SLC24A2: variants seen among roughly 807,000 people sequenced by gnomAD.
SLC24A2 encodes the protein sodium/potassium/calcium exchanger 2.
SLC24A2 carries 36 observed loss-of-function variants against 62.0 expected under a neutral mutation model. The ratio of observed to expected loss-of-function variants is 0.58; its 90% CI spans 0.44 to 0.77. The LOEUF (loss-of-function observed/expected upper bound fraction) is 0.77. Among genes scored for constraint, SLC24A2 ranks in the 30% least tolerant of loss-of-function variants. SLC24A2 has a pLI of 0.00. For synonymous variants in SLC24A2, 358 were observed against 294.0 expected (o/e 1.22, Z -2.23); for missense variants, 846 against 817.9 (o/e 1.03, Z -0.42).
chr9:19,850,940 T>TACACACAC, the SLC24A2 span, among the ~76,000 whole-genome samples: 1 of 28,994 alleles, frequency 3.4e-5, no homozygotes, highest in African/African-American at 1.3e-4. Flanking sequence ...GGCATATATA[T>TACACACAC]ATATACATAT....
chr9:19,565,694 AGG>A, intron 7 of SLC24A2, among the ~76,000 whole-genome samples: 1 of 152,196 alleles, frequency 6.6e-6, no homozygotes, highest in African/African-American at 2.4e-5. Context: ...TGGAGGCATC[AGG>A]CTACCTGACT....
chr9:19,749,363 G>C (rs914339377), intron 2 of SLC24A2, among the ~76,000 whole-genome samples: 1 of 151,858 alleles, frequency 6.6e-6, no homozygotes, highest in Non-Finnish European at 1.5e-5. Context: ...TTTTAAAAAG[G>C]TATTTGTGTG....
intron 2 of SLC24A2, among the ~76,000 whole-genome samples, chr9:19,689,257 G>T (rs930371401): frequency 6.6e-6 from 1 of 152,000 alleles, no homozygotes. Context: ...GGTTACACCA[G>T]GACTCCCGAA....
the SLC24A2 span, among the ~76,000 whole-genome samples, chr9:19,837,864 A>T: frequency 6.6e-6 from 1 of 152,040 alleles, no homozygotes; most frequent in Non-Finnish European, 1.5e-5. Flanking sequence ...CTTACAAGGG[A>T]CGTGAAGGAC....
chr9:19,721,731 A>T (rs1174490363), intron 2 of SLC24A2, among the ~76,000 whole-genome samples: 1 of 152,118 alleles, frequency 6.6e-6, no homozygotes, highest in Non-Finnish European at 1.5e-5. Context: ...TGGTCCTCCT[A>T]AATTAATCAT....
At chr9:19,911,689 T>A in the SLC24A2 span, among the ~76,000 whole-genome samples, 5 of 152,168 alleles carry the variant, frequency 3.3e-5, no homozygotes, top group Non-Finnish European at 7.4e-5. Flanking sequence ...AATATCCAGC[T>A]TCTCTTCCTA....
At chr9:20,222,864 T>C in the SLC24A2 span, among the ~76,000 whole-genome samples, 3 of 152,114 alleles carry the variant, frequency 2.0e-5, no homozygotes, top group African/African-American at 7.2e-5. Context: ...ATTATCTTAA[T>C]AAAGCATTTC....
intron 7 of SLC24A2, among the ~76,000 whole-genome samples, chr9:19,562,134 T>TATTGCTGTAGTAA (rs1470641144): frequency 1.3e-5 from 2 of 152,208 alleles, no homozygotes; most frequent in African/African-American, 4.8e-5. Flanking sequence ...TTTCTTTCCA[T>TATTGCTGTAGTAA]ATTGCTGTAG....
chr9:20,027,349 C>T, the SLC24A2 span, among the ~76,000 whole-genome samples: 1 of 152,052 alleles, frequency 6.6e-6, no homozygotes, highest in African/African-American at 2.4e-5. Flanking sequence ...TATCTACATT[C>T]CCATGTTTAC....
chr9:19,706,376 A>AC (rs1564053093), intron 2 of SLC24A2, among the ~76,000 whole-genome samples: 1 of 120,842 alleles, frequency 8.3e-6, no homozygotes, highest in African/African-American at 3.1e-5. Flanking sequence ...ATGGGTCTTG[A>AC]ATCTTTTTTT....
At chr9:19,526,307 G>A (rs1833445215) in intron 9 of SLC24A2, among the ~76,000 whole-genome samples, 1 of 152,110 alleles carries the variant, frequency 6.6e-6, no homozygotes, top group South Asian at 2.1e-4. Flanking sequence ...ATGCTACTTT[G>A]AACATTTGTT....
chr9:19,515,255 A>G lies in SLC24A2; in HGVS notation c.*898T>C, dbSNP rs1832879040. On this transcript the variant is annotated 3_prime_UTR_variant, in exon 11 of 11. Coordinates refer to ENST00000341998, the MANE Select transcript of SLC24A2 (RefSeq NM_020344.4). ...TGGGACAATATAAGAACAAAACAAA[A>G]CAACCCAACCCTGGTTACCTCCCCA... is the stretch of plus-strand genomic sequence containing the variant. 6.6e-6 allele frequency: 1 copy of G among 152,192 alleles called. No individual in the cohort carries two copies. Among genetic ancestry groups the G allele is most frequent in the African/African-American group, 2.4e-5 (1 of 41,446 alleles). The allele number at this position is 152,192 out of a possible 1,614,324, so 9.4% of individuals were successfully genotyped here. A position where few individuals can be genotyped will look rare whatever the true frequency, so the allele number is the denominator to read the frequency against.
At chr9:20,227,622 C>T in the SLC24A2 span, among the ~76,000 whole-genome samples, 1 of 147,442 alleles carries the variant, frequency 6.8e-6, no homozygotes, top group Non-Finnish European at 1.5e-5. Flanking sequence ...ATTAATATAA[C>T]AAAAATAGTG....
At chr9:19,773,724 CA>C (rs1227787069) in intron 2 of SLC24A2, among the ~76,000 whole-genome samples, 4 of 152,108 alleles carry the variant, frequency 2.6e-5, no homozygotes, top group Non-Finnish European at 5.9e-5. Flanking sequence ...TGATTCAATC[CA>C]AGACAGAAAA....
At chr9:19,767,648 C>A (rs185444721) in intron 2 of SLC24A2, among the ~76,000 whole-genome samples, 2 of 152,166 alleles carry the variant, frequency 1.3e-5, no homozygotes, top group Non-Finnish European at 2.9e-5. Context: ...TCTAACCAGT[C>A]CCAGTGAGGT....
the SLC24A2 span, among the ~76,000 whole-genome samples, chr9:20,058,481 C>G: frequency 7.8e-6 from 1 of 127,406 alleles, no homozygotes; most frequent in African/African-American, 3.4e-5. Context: ...GATACAAACC[C>G]ATGCCCTTCA....
chr9:19,792,018 G>C (rs1453671450), upstream of SLC24A2, among the ~76,000 whole-genome samples: 1 of 152,104 alleles, frequency 6.6e-6, no homozygotes, highest in African/African-American at 2.4e-5. Context: ...AATCAGTAAT[G>C]AATTTTAAAA....
At chr9:19,555,922 C>G (rs913389748) in intron 7 of SLC24A2, among the ~76,000 whole-genome samples, 4 of 151,992 alleles carry the variant, frequency 2.6e-5, no homozygotes, top group Non-Finnish European at 5.9e-5. Flanking sequence ...TCTAGCCTGG[C>G]AACACAGACT....
the SLC24A2 span, among the ~76,000 whole-genome samples, chr9:20,011,577 G>T: frequency 1.3e-5 from 2 of 152,114 alleles, no homozygotes; most frequent in African/African-American, 4.8e-5. Context: ...ACACCATCAA[G>T]AAAACTAACA....
Sources: gnomAD v4.1 joint callset for allele counts (sites outside exome capture counted in the v4.1 genomes callset) on GRCh38, gnomAD v4.1.1 for gene constraint, MANE v1.5 for transcripts, NCBI Gene and HGNC (gene_info 2026-07-23, HGNC 2026-07-21) for gene names.